Variants in KIAA0825 observed in about 807,000 individuals in gnomAD.
KIAA0825 encodes the protein uncharacterized protein KIAA0825.
A neutral mutation model predicts 147.6 loss-of-function variants in KIAA0825; 119 were observed. The ratio of observed to expected loss-of-function variants is 0.81; its 90% CI spans 0.69 to 0.94. The LOEUF (loss-of-function observed/expected upper bound fraction) is 0.94, where lower values mean the gene tolerates loss of function less well. KIAA0825 is among the 40% of genes least tolerant of loss of function. KIAA0825 has a pLI of 0.00. For synonymous variants in KIAA0825, 470 were observed against 518.1 expected, an observed-to-expected ratio of 0.91 and a Z score of 1.26; for missense variants, 1,381 against 1,472.7, an observed-to-expected ratio of 0.94 and a Z score of 1.02.
chr5:94,192,645 G>C (rs1320770851), intron 20 of KIAA0825, among the ~76,000 whole-genome samples: 1 of 152,070 alleles, frequency 6.6e-6, no homozygotes, highest in African/African-American at 2.4e-5. Flanking sequence ...ACCTGCGCCA[G>C]TGGCAGAATG....
chr5:94,527,128 A>G (rs1442335294), intron 3 of KIAA0825, among the ~76,000 whole-genome samples: 4 of 152,012 alleles, frequency 2.6e-5, no homozygotes, highest in African/African-American at 9.7e-5. Context: ...ATATGAATTT[A>G]TTTTTATGGT....
intron 2 of KIAA0825, among the ~76,000 whole-genome samples, chr5:94,572,020 C>T (rs1187713779): frequency 6.6e-6 from 1 of 151,290 alleles, no homozygotes; most frequent in Non-Finnish European, 1.5e-5. Context: ...CCCAAGAGTT[C>T]AAGCCTGTGG....
intron 13 of KIAA0825, among the ~76,000 whole-genome samples, chr5:94,449,584 G>C (rs1480538387): frequency 6.6e-6 from 1 of 152,114 alleles, no homozygotes; most frequent in African/African-American, 2.4e-5. Context: ...AGAAGGGAAA[G>C]AAGGATCATT....
At chr5:94,304,741 T>C (rs1778621149) in intron 20 of KIAA0825, among the ~76,000 whole-genome samples, 1 of 151,996 alleles carries the variant, frequency 6.6e-6, no homozygotes, top group African/African-American at 2.4e-5. Flanking sequence ...GAATACTAAA[T>C]TAACCAGTTT....
At chr5:94,437,614 T>A (rs1186110853) in intron 14 of KIAA0825, among the ~76,000 whole-genome samples, 2 of 152,196 alleles carry the variant, frequency 1.3e-5, no homozygotes, top group Non-Finnish European at 2.9e-5. Context: ...AAATGTAGGA[T>A]TCATTTGTAA....
intron 3 of KIAA0825, among the ~76,000 whole-genome samples, chr5:94,527,615 C>T (rs941444112): frequency 6.6e-6 from 1 of 151,876 alleles, no homozygotes; most frequent in Admixed American, 6.6e-5. Flanking sequence ...AAAACTTTTA[C>T]ATTTTGATGC....
chr5:94,184,751 G>A (rs1372013340), intron 20 of KIAA0825, among the ~76,000 whole-genome samples: 1 of 151,844 alleles, frequency 6.6e-6, no homozygotes, highest in Non-Finnish European at 1.5e-5. Flanking sequence ...AAAATATTAG[G>A]GTTTAAATGC....
intron 18 of KIAA0825, among the ~76,000 whole-genome samples, chr5:94,386,682 C>CT (rs1427427289): frequency 1.3e-5 from 2 of 152,098 alleles, no homozygotes; most frequent in East Asian, 1.9e-4. Context: ...ATATCAGGAC[C>CT]TTTTTAACAG....
intron 20 of KIAA0825, among the ~76,000 whole-genome samples, chr5:94,346,121 T>G (rs1184287485): frequency 6.6e-6 from 1 of 152,194 alleles, no homozygotes; most frequent in African/African-American, 2.4e-5. Context: ...TTTTACTTCT[T>G]CTTTCTTTGG....
intron 20 of KIAA0825, among the ~76,000 whole-genome samples, chr5:94,185,637 G>C (rs1770049113): frequency 6.6e-6 from 1 of 152,072 alleles, no homozygotes; most frequent in African/African-American, 2.4e-5. Context: ...ACCACAGCAG[G>C]CTTGCCAGTT....
intron 20 of KIAA0825, among the ~76,000 whole-genome samples, chr5:94,360,787 C>T (rs912220826): frequency 5.3e-5 from 8 of 152,194 alleles, no homozygotes; most frequent in African/African-American, 1.9e-4. Context: ...AATGGGGAAC[C>T]AGCAGCCCTC....
chr5:94,341,920 G>A (rs982211129), intron 20 of KIAA0825, among the ~76,000 whole-genome samples: 8 of 152,220 alleles, frequency 5.3e-5, no homozygotes, highest in South Asian at 2.1e-4. Flanking sequence ...TCGGCCAGAC[G>A]CGGTGGCTCA....
intron 20 of KIAA0825, among the ~76,000 whole-genome samples, chr5:94,296,845 T>C (rs2150174282): frequency 6.6e-6 from 1 of 152,276 alleles, no homozygotes; most frequent in African/African-American, 2.4e-5. Flanking sequence ...TATTCAGCCA[T>C]CTTGCCAGCC....
intron 20 of KIAA0825, among the ~76,000 whole-genome samples, chr5:94,160,881 C>G (rs1767515766): frequency 6.6e-6 from 1 of 152,088 alleles, no homozygotes; most frequent in African/African-American, 2.4e-5. Context: ...GAGGGAGGTT[C>G]AAATCAGAGG....
intron 5 of KIAA0825, among the ~76,000 whole-genome samples, chr5:94,495,136 T>C (rs1047854366): frequency 6.6e-6 from 1 of 152,168 alleles, no homozygotes; most frequent in Non-Finnish European, 1.5e-5. Context: ...AAAATGAATA[T>C]GAAAAGAGAT....
At chr5:94,446,637 A>G (rs1757758348) in intron 13 of KIAA0825, among the ~76,000 whole-genome samples, 1 of 152,224 alleles carries the variant, frequency 6.6e-6, no homozygotes, top group African/African-American at 2.4e-5. Flanking sequence ...AGTAGCAGGT[A>G]TCAGAAGCGG....
At chr5:94,265,714 T>C (rs189802715) in intron 20 of KIAA0825, among the ~76,000 whole-genome samples, 208 of 152,240 alleles carry the variant, frequency 1.4e-3, no homozygotes, top group Non-Finnish European at 7.4e-4. Flanking sequence ...GGCAGGAGAA[T>C]TGCTTGAACC....
intron 14 of KIAA0825, among the ~76,000 whole-genome samples, chr5:94,433,121 C>T (rs1463298572): frequency 6.6e-6 from 1 of 152,200 alleles, no homozygotes; most frequent in Admixed American, 6.5e-5. Context: ...GCAAGCTCCA[C>T]CTTCCGGGTT....
intron 20 of KIAA0825, among the ~76,000 whole-genome samples, chr5:94,214,473 A>G (rs925347176): frequency 2.0e-5 from 3 of 152,056 alleles, no homozygotes; most frequent in African/African-American, 7.2e-5. Flanking sequence ...TGATGGTAGC[A>G]TCACCCTTCC....
Sources: gnomAD v4.1 joint callset for allele counts (sites outside exome capture counted in the v4.1 genomes callset) on GRCh38, gnomAD v4.1.1 for gene constraint, MANE v1.5 for transcripts, NCBI Gene and HGNC (gene_info 2026-07-23, HGNC 2026-07-21) for gene names.